Variants in ADGRG1 observed in about 807,000 individuals in gnomAD.
ADGRG1 encodes 7-transmembrane protein with no EGF-like N-terminal domains-1.
Under a neutral mutation model 73.5 loss-of-function variants are expected in ADGRG1, and 53 were observed. The ratio of observed to expected loss-of-function variants is 0.72; its 90% CI spans 0.58 to 0.91. The LOEUF (loss-of-function observed/expected upper bound fraction) is 0.91, where lower values mean the gene tolerates loss of function less well. Ranked by LOEUF, ADGRG1 falls within the 40% of genes least tolerant of loss-of-function variation. The pLI, the probability that ADGRG1 is intolerant of heterozygous loss-of-function variation, is 0.00. For missense variants in ADGRG1, 795 were observed against 871.8 expected (o/e 0.91, Z 1.11); for synonymous variants, 394 against 374.4 (o/e 1.05, Z -0.60).
chr16:57,659,423 C>G lies in ADGRG1; in HGVS notation c.1297C>G (p.Arg433Gly), dbSNP rs373065016. 6.2e-7 allele frequency: 1 copy of G among 1,613,740 alleles called. No individual in the cohort carries two copies. Among genetic ancestry groups the G allele is most frequent in the Non-Finnish European group, 8.5e-7 (1 of 1,179,964 alleles). ...GCCCCTGCCGTGCAGGAGGAAACCT[C>G]GGGACTACACCATCAAGGTGCACAT... The part of the protein sequence containing the change: ...AAYLCSRRKP[R>G]DYTIKVHMNL... The change falls in exon 11 of 14, where the codon CGG becomes GGG. Residue 433 changes from arginine to glycine, a missense_variant. Transcript: ENST00000562631.
At chr16:57,623,331 T>G (rs1294799315), upstream of ADGRG1, among the ~76,000 whole-genome samples, 1 of 152,230 alleles carries the variant, frequency 6.6e-6, no homozygotes, top group East Asian at 1.9e-4. Context: ...GACCACAAGC[T>G]CCAGCGCTTT....
intron 1 of ADGRG1, chr16:57,639,251 T>C: frequency 1.0e-6 from 1 of 985,396 alleles, no homozygotes; most frequent in Non-Finnish European, 1.2e-6. Flanking sequence ...CTGCCCTCCC[T>C]CCTGCCAGCT....
At chr16:57,650,126 G>A in intron 1 of ADGRG1, 127 bp from the exon 2 acceptor site, 1 of 1,519,244 alleles carries the variant, frequency 6.6e-7, no homozygotes, top group Non-Finnish European at 8.8e-7. Context: ...GAGGTCCATG[G>A]GCTTTTTCCA....
At chr16:57,632,137 A>T (rs1319542658) in intron 1 of ADGRG1, 1 of 985,322 alleles carries the variant, frequency 1.0e-6, no homozygotes, top group Non-Finnish European at 1.2e-6. Context: ...AGGCTTACCC[A>T]GTGAGCAACC....
At chr16:57,623,888 C>A, upstream of ADGRG1, 2 of 901,742 alleles carry the variant, frequency 2.2e-6, no homozygotes, top group Non-Finnish European at 2.7e-6. Flanking sequence ...GGTCTGAGAT[C>A]AGGTCCTGAC....
rs78168198 is a variant in ADGRG1, at chr16:57,649,976, A to C, written c.-35-277A>C. 4,122 of 177,736 alleles carry C rather than the reference A, an allele frequency of 0.023. 217 individuals carry two copies. The highest frequency in any genetic ancestry group is 0.23 in the East Asian group (1,195 of 5,292). The allele number at this position is 177,736 out of a possible 1,614,324, so 11.0% of individuals were successfully genotyped here. On this transcript the variant is annotated intron_variant, in intron 1 of 13. Coordinates refer to ENST00000562631, the MANE Select transcript of ADGRG1 (RefSeq NM_201525.4). ...TTATTTATTGTAGAGATAGGGTCTC[A>C]CTGTGTTGCCCAGGCTGGTCTGAAT... is the stretch of plus-strand genomic sequence containing the variant.
intron 1 of ADGRG1, among the ~76,000 whole-genome samples, chr16:57,648,990 T>C (rs1597420691): frequency 6.6e-6 from 1 of 152,140 alleles, no homozygotes; most frequent in East Asian, 1.9e-4. Context: ...CTTCAGAGGG[T>C]TGGAGTGGGA....
chr16:57,641,564 C>T, intron 1 of ADGRG1: 1 of 959,556 alleles, frequency 1.0e-6, no homozygotes, highest in Non-Finnish European at 1.2e-6. Context: ...TTCTAAAAGT[C>T]CTTTTTTTTT....
At position 57,621,847 on chromosome 16, in the gene ADGRG1, T is replaced by G. The variant is rs1439140131; in HGVS notation, c.-154+452T>G. ...AGCAGCAAGTAGGATGGTCTTGAGGTAAGGGGATGCTGGTGACCCCATGCC... is the reference window on the plus strand; with the variant it reads ...AGCAGCAAGTAGGATGGTCTTGAGGGAAGGGGATGCTGGTGACCCCATGCC... On this transcript the variant is annotated intron_variant, in intron 2 of 4. Transcript: ENST00000561833. 4.1e-6 allele frequency: 4 copies of G among 984,916 alleles called. No homozygotes were observed. In the African/African-American group the frequency reaches 7.0e-5, roughly 17 times the overall value. 61.0% of individuals were successfully genotyped at this position (984,916 alleles called of 1,614,324 possible).
intron 1 of ADGRG1, among the ~76,000 whole-genome samples, chr16:57,645,611 G>A (rs992943171): frequency 6.6e-6 from 1 of 152,178 alleles, no homozygotes; most frequent in Non-Finnish European, 1.5e-5. Flanking sequence ...CAGGGCTGCT[G>A]GTGCCTTTCC....
At chr16:57,656,124 G>A (rs1000834885) in intron 7 of ADGRG1, 102 bp from the exon 8 acceptor site, 72 of 1,613,346 alleles carry the variant, frequency 4.5e-5, no homozygotes, top group East Asian at 2.2e-4. Context: ...CAAATGGGGC[G>A]GGTGGTGGCT....
chr16:57,628,959 TG>T, intron 1 of ADGRG1, 157 bp downstream of exon 1: 1 of 589,126 alleles, frequency 1.7e-6, no homozygotes. Flanking sequence ...TGTGAGAGTG[TG>T]TGAGTGTGAG....
chr16:57,639,625 G>T, intron 1 of ADGRG1: 1 of 985,530 alleles, frequency 1.0e-6, no homozygotes, highest in Non-Finnish European at 1.2e-6. Flanking sequence ...TGCCACGCAC[G>T]TTCTTAATGT....
rs115592523 is a variant in ADGRG1, at chr16:57,643,672, T to G, written c.-35-6581T>G. 775 of 985,158 alleles carry G rather than the reference T, an allele frequency of 7.9e-4. 8 individuals carry two copies. The African/African-American group carries it at 0.013, about 16-fold the overall frequency. The allele number at this position is 985,158 out of a possible 1,614,324, so 61.0% of individuals were successfully genotyped here. On this transcript the variant is annotated intron_variant, in intron 1 of 13. Transcript: ENST00000562631. ...CTCCGAGGCAGGCAGCTTGCTTCAT[T>G]TTATTCTCCTTTATTGTAGGAAAAT...
At position 57,640,970 on chromosome 16, in the gene ADGRG1, A is replaced by T; in HGVS notation, c.-35-9283A>T. 3.0e-6 allele frequency: 3 copies of T among 985,204 alleles called. No individual in the cohort carries two copies. The South Asian group carries it at 1.4e-4, about 46-fold the overall frequency. The allele number at this position is 985,204 out of a possible 1,614,324, so 61.0% of individuals were successfully genotyped here. ...AGGGAAGGGGAACCTCAGCCAGACA[A>T]CTGAGGTCCGGCTGTGGTTTGAGAG... On this transcript the variant is annotated intron_variant, in intron 1 of 13. Transcript: ENST00000562631.
At chr16:57,646,874 T>G in intron 1 of ADGRG1, 8 of 947,494 alleles carry the variant, frequency 8.4e-6, no homozygotes, top group African/African-American at 1.8e-5. Flanking sequence ...GTTGCTAGAA[T>G]GCCCCCTGCT....
rs978879678 is a variant in ADGRG1 at position 57,663,917 on chromosome 16, A to G, written c.*335A>G. 2.4e-6 allele frequency: 1 copy of G among 419,184 alleles called. No individual in the cohort carries two copies. Among genetic ancestry groups the G allele is most frequent in the African/African-American group, 2.0e-5 (1 of 49,814 alleles). The allele number at this position is 419,184 out of a possible 1,614,324, so 26.0% of individuals were successfully genotyped here. On this transcript the variant is annotated 3_prime_UTR_variant, in exon 14 of 14. Transcript: ENST00000562631. ...GGCCCAGCCCTCATTGCTGGGGGCCAGGCCTTGGATCTTGAGGGTCTGGCA... is the reference window on the plus strand; with the variant it reads ...GGCCCAGCCCTCATTGCTGGGGGCCGGGCCTTGGATCTTGAGGGTCTGGCA...
intron 1 of ADGRG1, among the ~76,000 whole-genome samples, chr16:57,644,650 GCACACTCATCA>G (rs200569011): frequency 0.061 from 4,964 of 81,536 alleles, 178 homozygotes; most frequent in South Asian, 0.19. Flanking sequence ...GCATGGGCAC[GCACACTCATCA>G]CACACTCCTC....
intron 11 of ADGRG1, 83 bp from the exon 12 acceptor site, chr16:57,660,685 G>A: frequency 6.7e-7 from 1 of 1,502,012 alleles, no homozygotes. Flanking sequence ...AGGGGCCCTT[G>A]CCCTCCAGAC....
Sources: gnomAD v4.1 joint callset for allele counts (sites outside exome capture counted in the v4.1 genomes callset) on GRCh38, gnomAD v4.1.1 for gene constraint, MANE v1.5 for transcripts, NCBI Gene and HGNC (gene_info 2026-07-23, HGNC 2026-07-21) for gene names.